The following ADH6 variants were observed in gnomAD, a reference collection of about 807,000 sequenced individuals.
The protein encoded by ADH6 is alcohol dehydrogenase 6 (class V).
In ADH6, 34 loss-of-function variants were observed where a neutral mutation model predicts 36.5. The ratio of observed to expected loss-of-function variants is 0.93; its 90% CI spans 0.71 to 1.24. The LOEUF is 1.24. Ranked by LOEUF, ADH6 falls within the 50% of genes most tolerant of loss-of-function variation. The pLI is 0.00. For synonymous variants in ADH6, 161 were observed against 155.5 expected, an observed-to-expected ratio of 1.04 and a Z score of -0.26; for missense variants, 440 against 447.0, an observed-to-expected ratio of 0.98 and a Z score of 0.14.
chr4:99,212,113 A>G (rs889778402), intron 3 of ADH6, among the ~76,000 whole-genome samples: 1 of 152,150 alleles, frequency 6.6e-6, no homozygotes, highest in Non-Finnish European at 1.5e-5. Flanking sequence ...AGCAATAGAA[A>G]ATGAGTACAT....
chr4:99,218,194 C>G (rs1233025102), intron 1 of ADH6, among the ~76,000 whole-genome samples: 1 of 152,166 alleles, frequency 6.6e-6, no homozygotes, highest in Non-Finnish European at 1.5e-5. Flanking sequence ...TTCTTCCCAT[C>G]TCCACCTTCC....
chr4:99,214,266 C>G (rs1416241602), intron 2 of ADH6, among the ~76,000 whole-genome samples: 1 of 152,042 alleles, frequency 6.6e-6, no homozygotes, highest in East Asian at 1.9e-4. Flanking sequence ...GTTGCATGCA[C>G]CTGTAGTCCA....
chr4:99,211,691 A>C (rs2110550537), intron 3 of ADH6, among the ~76,000 whole-genome samples: 1 of 152,326 alleles, frequency 6.6e-6, no homozygotes, highest in South Asian at 2.1e-4. Context: ...AGGTGGACCC[A>C]AGGTAATCAC....
chr4:99,211,670 C>G (rs910318800), intron 3 of ADH6, among the ~76,000 whole-genome samples: 2 of 152,092 alleles, frequency 1.3e-5, no homozygotes, highest in Non-Finnish European at 2.9e-5. Context: ...GGAGATTATA[C>G]TGAATTATCC....
rs778114955 is a variant in ADH6 at position 99,219,183 on chromosome 4, T to C, written c.-31A>G. The C allele has an allele frequency of 1.1e-5, 17 of 1,604,890 alleles. No homozygotes were observed. The African/African-American group carries it at 2.3e-4, about 21-fold the overall frequency. On this transcript the variant is annotated 5_prime_UTR_variant, in exon 1 of 9. Transcript: ENST00000394899. ...TTTTCTCCACCGCAGATGAATTTAT[T>C]GAGAAAGGGAGATCCTGTAGCAACT...
At chr4:99,218,210 G>A (rs1449524671) in intron 1 of ADH6, among the ~76,000 whole-genome samples, 1 of 151,934 alleles carries the variant, frequency 6.6e-6, no homozygotes, top group Non-Finnish European at 1.5e-5. Context: ...CTTCCACCAC[G>A]CTCTAGTGGA....
chr4:99,212,413 A>G (rs987872509), intron 3 of ADH6, among the ~76,000 whole-genome samples: 8 of 152,166 alleles, frequency 5.3e-5, no homozygotes, highest in African/African-American at 1.4e-4. Context: ...TTATGTGTAT[A>G]TAATATGGGA....
intron 2 of ADH6, among the ~76,000 whole-genome samples, chr4:99,215,290 C>T (rs1731365655): frequency 6.6e-6 from 1 of 152,158 alleles, no homozygotes; most frequent in Non-Finnish European, 1.5e-5. Flanking sequence ...ATGACTGTCT[C>T]TTTGTAATCT....
chr4:99,210,135 G>A lies in ADH6; in HGVS notation c.514C>T (p.Leu172=), dbSNP rs1346659432. Residue 172 remains leucine (L), a synonymous_variant, in exon 5 of 9, where the codon CTA becomes TTA. Coordinates refer to ENST00000394899, the MANE Select transcript of ADH6 (RefSeq NM_001102470.2). The part of the protein sequence containing the change: ...DAVAPLEKVC[L]ISCGFSTGFG... Reference sequence around the variant, plus strand: ...CCAGTGGAAAAGCCACAGCTAATTAGGCATACTTTCTCTAGAGGAGCGACT... The same window carrying A: ...CCAGTGGAAAAGCCACAGCTAATTAAGCATACTTTCTCTAGAGGAGCGACT... 6.2e-7 allele frequency: 1 copy of A among 1,613,666 alleles called. No homozygotes were observed. The highest frequency in any genetic ancestry group is 1.7e-5 in the Admixed American group (1 of 59,950).
chr4:99,212,276 G>T (rs1731251500), intron 3 of ADH6, among the ~76,000 whole-genome samples: 2 of 152,088 alleles, frequency 1.3e-5, no homozygotes, highest in Admixed American at 1.3e-4. Context: ...CTATATTCTT[G>T]TGAACTCTAT....
intron 1 of ADH6, among the ~76,000 whole-genome samples, chr4:99,218,003 A>T (rs148498429): frequency 1.1e-4 from 17 of 152,202 alleles, no homozygotes; most frequent in African/African-American, 2.6e-4. Flanking sequence ...TGTCACTATA[A>T]ATTCTCTTTC....
At chr4:99,214,196 G>C (rs926657960) in intron 2 of ADH6, among the ~76,000 whole-genome samples, 1 of 152,164 alleles carries the variant, frequency 6.6e-6, no homozygotes, top group African/African-American at 2.4e-5. Context: ...TTTGAGATCA[G>C]CCTGGGCAAA....
At chr4:99,215,676 CT>C (rs1731383613) in intron 2 of ADH6, 1 of 152,410 alleles carries the variant, frequency 6.6e-6, no homozygotes, top group African/African-American at 2.4e-5. Context: ...TTTTACTCTA[CT>C]AGCTGTGTGA....
chr4:99,207,574 G>A lies in ADH6; in HGVS notation c.836C>T (p.Ala279Val), dbSNP rs1731079658. Residue 279 changes from alanine to valine, a missense_variant, in exon 7 of 9, where the codon GCC becomes GTC. Coordinates refer to ENST00000394899, the MANE Select transcript of ADH6 (RefSeq NM_001102470.2). Reference sequence around the variant, plus strand: ...ATAGCTCTCATTGCAGGAGGCGAGGGCAGCTGCCTGTTAGAAAGTGATGCA... The same window carrying A: ...ATAGCTCTCATTGCAGGAGGCGAGGACAGCTGCCTGTTAGAAAGTGATGCA... ...AIGNLDVLAA[A>V]LASCNESYGV... 6.2e-7 allele frequency: 1 copy of A among 1,613,054 alleles called. No individual in the cohort carries two copies. Among genetic ancestry groups the A allele is most frequent in the African/African-American group, 1.3e-5 (1 of 74,838 alleles).
intron 7 of ADH6, among the ~76,000 whole-genome samples, chr4:99,206,179 G>T (rs929519540): frequency 6.6e-6 from 1 of 152,036 alleles, no homozygotes; most frequent in Non-Finnish European, 1.5e-5. Flanking sequence ...CTCAACAAGG[G>T]CACTACTGGC....
At chr4:99,215,684 G>T (rs1287132228) in intron 2 of ADH6, 1 of 152,394 alleles carries the variant, frequency 6.6e-6, no homozygotes, top group African/African-American at 2.4e-5. Context: ...TACTAGCTGT[G>T]TGACCAGTCA....
intron 3 of ADH6, 33 bp from the exon 4 acceptor site, chr4:99,210,535 T>C (rs1731188979): frequency 6.6e-7 from 1 of 1,511,588 alleles, no homozygotes; most frequent in Non-Finnish European, 9.1e-7. Flanking sequence ...TATTAACATA[T>C]TATTTTTTAA....
chr4:99,208,845 T>C lies in ADH6; in HGVS notation c.651A>G (p.Ala217=), dbSNP rs1356115857. 33 of 1,613,848 alleles carry C rather than the reference T, an allele frequency of 2.0e-5. No homozygotes were observed. Among genetic ancestry groups the C allele is most frequent in the Non-Finnish European group, 2.7e-5 (32 of 1,179,810 alleles). ...TGACATCCACTCCAATGATCCTGGCTGCTCCTGCTGCTTTACAACCCATGA... is the reference window on the plus strand; with the variant it reads ...TGACATCCACTCCAATGATCCTGGCCGCTCCTGCTGCTTTACAACCCATGA... ...SVVMGCKAAG[A]ARIIGVDVNK... The change falls in exon 6 of 9, where the codon GCA becomes GCG. Residue 217 remains alanine, a synonymous_variant. Coordinates refer to ENST00000394899, the MANE Select transcript of ADH6 (RefSeq NM_001102470.2).
At chr4:99,208,606 A>T (rs1560805184) in intron 6 of ADH6, 62 bp downstream of exon 6, 1 of 1,521,916 alleles carries the variant, frequency 6.6e-7, no homozygotes, top group East Asian at 2.3e-5. Flanking sequence ...AGCTCATTCA[A>T]CTATAATCTA....
Sources: gnomAD v4.1 joint callset for allele counts (sites outside exome capture counted in the v4.1 genomes callset) on GRCh38, gnomAD v4.1.1 for gene constraint, MANE v1.5 for transcripts, NCBI Gene and HGNC (gene_info 2026-07-23, HGNC 2026-07-21) for gene names.